The following SPOCK1 variants were observed in gnomAD, a reference collection of about 807,000 sequenced individuals.
SPOCK1 encodes testican-1.
A neutral mutation model predicts 55.3 loss-of-function variants in SPOCK1; 23 were observed. The ratio of observed to expected loss-of-function variants is 0.42; its 90% confidence interval spans 0.30 to 0.59. SPOCK1 has a LOEUF of 0.59. Among genes scored for constraint, SPOCK1 ranks in the 20% least tolerant of loss-of-function variants. The pLI is 0.22. For synonymous variants in SPOCK1, 226 were observed against 221.0 expected, an observed-to-expected ratio of 1.02 and a Z score of -0.20; for missense variants, 499 against 552.5, an observed-to-expected ratio of 0.90 and a Z score of 0.97.
intron 3 of SPOCK1, among the ~76,000 whole-genome samples, chr5:137,256,330 CT>C (rs1377387491): frequency 6.6e-6 from 1 of 152,160 alleles, no homozygotes; most frequent in Non-Finnish European, 1.5e-5. Context: ...CCACTGTGTG[CT>C]GCTGTAATAG....
intron 5 of SPOCK1, among the ~76,000 whole-genome samples, chr5:137,070,507 G>C (rs1408239640): frequency 6.6e-6 from 1 of 152,208 alleles, no homozygotes; most frequent in Admixed American, 6.5e-5. Flanking sequence ...GACAAAGGCA[G>C]AAAGAAGGGA....
chr5:137,121,831 T>G (rs1290257987), intron 4 of SPOCK1, among the ~76,000 whole-genome samples: 1 of 146,702 alleles, frequency 6.8e-6, no homozygotes, highest in Non-Finnish European at 1.5e-5. Flanking sequence ...ATTATCCCTA[T>G]TATTATATTT....
intron 6 of SPOCK1, among the ~76,000 whole-genome samples, chr5:137,064,281 T>G (rs1752453495): frequency 6.6e-6 from 1 of 152,196 alleles, no homozygotes; most frequent in Admixed American, 6.5e-5. Context: ...AGAATTGACC[T>G]GGGAGTGACT....
intron 3 of SPOCK1, among the ~76,000 whole-genome samples, chr5:137,199,867 C>T (rs144782732): frequency 1.1e-3 from 173 of 152,244 alleles, no homozygotes; most frequent in South Asian, 3.5e-3. Flanking sequence ...AAGCCTCTAA[C>T]GCATCCTGAT....
At chr5:137,143,155 G>A (rs1418551445) in intron 3 of SPOCK1, among the ~76,000 whole-genome samples, 1 of 152,160 alleles carries the variant, frequency 6.6e-6, no homozygotes, top group East Asian at 1.9e-4. Context: ...ATCAGCTGAG[G>A]CATTTTCCCC....
chr5:137,195,150 CA>C lies in SPOCK1; in HGVS notation c.233-54457del, dbSNP rs1164096652. Among the ~76,000 whole-genome samples the C allele has an allele frequency of 2.0e-5, 3 of 152,198 alleles. No individual in the cohort carries two copies. The East Asian group carries it at 5.8e-4, about 29-fold the overall frequency. On this transcript the variant is annotated intron_variant, in intron 3 of 10. Coordinates refer to ENST00000394945, the MANE Select transcript of SPOCK1 (RefSeq NM_004598.4). ...ACAATGTAAAATGACCCTCTTAAACCAAACTAAATAAGCTCGTTTGGCCTGT... is the reference window on the plus strand; with the variant it reads ...ACAATGTAAAATGACCCTCTTAAACCAACTAAATAAGCTCGTTTGGCCTGT...
chr5:137,024,839 C>A (rs1031778891), intron 6 of SPOCK1, among the ~76,000 whole-genome samples: 2 of 152,038 alleles, frequency 1.3e-5, no homozygotes, highest in Admixed American at 6.6e-5. Context: ...TCACAAGATC[C>A]AAGATGTGGA....
intron 3 of SPOCK1, among the ~76,000 whole-genome samples, chr5:137,226,652 A>C (rs1220070626): frequency 2.0e-5 from 3 of 151,558 alleles, no homozygotes; most frequent in African/African-American, 7.3e-5. Context: ...CACTCTCTAC[A>C]CCCTAGGGAA....
intron 5 of SPOCK1, among the ~76,000 whole-genome samples, chr5:137,082,069 C>A (rs949445024): frequency 2.0e-5 from 3 of 152,204 alleles, no homozygotes; most frequent in African/African-American, 7.2e-5. Flanking sequence ...TTCTGCCCTG[C>A]GAGGCAAGTT....
intron 2 of SPOCK1, among the ~76,000 whole-genome samples, chr5:137,396,974 C>A (rs920778679): frequency 3.3e-5 from 5 of 152,180 alleles, no homozygotes; most frequent in Admixed American, 2.6e-4. Flanking sequence ...ACTTTTGCAA[C>A]CATCAACACC....
chr5:137,456,696 A>G (rs1456394285), intron 2 of SPOCK1, among the ~76,000 whole-genome samples: 1 of 152,232 alleles, frequency 6.6e-6, no homozygotes, highest in African/African-American at 2.4e-5. Context: ...TGAAGGAAAG[A>G]ACCCATAACC....
chr5:137,223,555 G>C (rs1755895597), intron 3 of SPOCK1, among the ~76,000 whole-genome samples: 2 of 152,066 alleles, frequency 1.3e-5, no homozygotes, highest in African/African-American at 4.8e-5. Context: ...TCACCATTTG[G>C]GGCCTGCTTA....
At chr5:137,283,558 T>C (rs1167110316) in intron 2 of SPOCK1, among the ~76,000 whole-genome samples, 1 of 151,772 alleles carries the variant, frequency 6.6e-6, no homozygotes, top group Non-Finnish European at 1.5e-5. Context: ...TACCAAAAAA[T>C]ACAAAAATTA....
chr5:137,441,240 C>G (rs897925760), intron 2 of SPOCK1, among the ~76,000 whole-genome samples: 1 of 152,158 alleles, frequency 6.6e-6, no homozygotes, highest in African/African-American at 2.4e-5. Flanking sequence ...ATAGGACCAG[C>G]CTTGGAAGCA....
intron 6 of SPOCK1, among the ~76,000 whole-genome samples, chr5:137,019,529 T>C (rs1232223962): frequency 6.6e-6 from 1 of 152,118 alleles, no homozygotes; most frequent in Non-Finnish European, 1.5e-5. Flanking sequence ...AATATGTAGG[T>C]TTTTCACTGT....
At chr5:137,482,468 G>A (rs1188497334) in intron 2 of SPOCK1, among the ~76,000 whole-genome samples, 1 of 152,088 alleles carries the variant, frequency 6.6e-6, no homozygotes, top group African/African-American at 2.4e-5. Context: ...TGCTCCCCCA[G>A]CACAGCCTCA....
At position 137,160,321 on chromosome 5, in the gene SPOCK1, AAT is replaced by A. The variant is rs907590021; in HGVS notation, c.233-19629_233-19628del. On this transcript the variant is annotated intron_variant, in intron 3 of 10. Coordinates refer to ENST00000394945, the MANE Select transcript of SPOCK1 (RefSeq NM_004598.4). ...TTTTTATGGCTGCATAGTATTCCAT[AAT>A]ATATATATTATATATATTATATTAT... Among the ~76,000 whole-genome samples, 99 of 130,262 alleles carry A rather than the reference AAT, an allele frequency of 7.6e-4. No homozygotes were observed. In the East Asian group the frequency reaches 0.017, roughly 22 times the overall value. The allele number at this position is 130,262 out of a possible 152,430, so 85.5% of individuals were successfully genotyped here. A position where few individuals can be genotyped will look rare whatever the true frequency, so the allele number is the denominator to read the frequency against.
intron 2 of SPOCK1, among the ~76,000 whole-genome samples, chr5:137,415,802 C>A (rs1299351499): frequency 6.6e-6 from 1 of 152,170 alleles, no homozygotes; most frequent in South Asian, 2.1e-4. Context: ...TACCTGCTAA[C>A]TTAATTGAAT....
chr5:137,470,661 G>A (rs191326550), intron 2 of SPOCK1, among the ~76,000 whole-genome samples: 1 of 152,278 alleles, frequency 6.6e-6, no homozygotes, highest in Non-Finnish European at 1.5e-5. Context: ...TTTGTACCAA[G>A]CCCACCAAAG....
Sources: allele counts gnomAD v4.1 joint callset (sites outside exome capture counted in the v4.1 genomes callset), GRCh38; gene constraint gnomAD v4.1.1; transcripts MANE v1.5; gene names NCBI Gene and HGNC (gene_info 2026-07-23, HGNC 2026-07-21).